GRK4: variants seen among roughly 807,000 people sequenced by gnomAD.
GRK4 encodes G protein-coupled receptor kinase 4, also known as G protein-coupled receptor kinase 2-like.
Under a neutral mutation model 77.9 loss-of-function variants are expected in GRK4, and 73 were observed. That is an observed-to-expected ratio of 0.94 (90% CI 0.78 to 1.14). The LOEUF (loss-of-function observed/expected upper bound fraction) is 1.14, where lower values mean the gene tolerates loss of function less well. GRK4 is among the 50% of genes most tolerant of loss of function. The probability of loss-of-function intolerance (pLI) is 0.00; values close to 1 mark genes in which losing one functional copy is unlikely to be tolerated. For synonymous variants in GRK4, 257 were observed against 254.4 expected (o/e 1.01, Z -0.10); for missense variants, 729 against 700.2 (o/e 1.04, Z -0.46).
intron 3 of GRK4, among the ~76,000 whole-genome samples, chr4:2,990,913 A>G (rs906848299): frequency 1.3e-5 from 2 of 152,196 alleles, no homozygotes; most frequent in Non-Finnish European, 2.9e-5. Context: ...TATCCTCGTG[A>G]TAGGTGATGA....
intron 10 of GRK4, among the ~76,000 whole-genome samples, chr4:3,026,007 G>C (rs183119553): frequency 6.6e-6 from 1 of 152,230 alleles, no homozygotes; most frequent in Non-Finnish European, 1.5e-5. Context: ...TCCTGCAGGC[G>C]AACCTGACCT....
chr4:2,988,486 G>T (rs140162878), intron 2 of GRK4, among the ~76,000 whole-genome samples: 2 of 152,074 alleles, frequency 1.3e-5, no homozygotes, highest in Non-Finnish European at 2.9e-5. Flanking sequence ...CAGGAGAATC[G>T]CCTGAACCCG....
At chr4:3,039,950 AG>A (rs1741936719) in intron 15 of GRK4, among the ~76,000 whole-genome samples, 1 of 152,108 alleles carries the variant, frequency 6.6e-6, no homozygotes, top group African/African-American at 2.4e-5. Context: ...TGCCGTTGAG[AG>A]AATCTGATTG....
chr4:2,986,106 G>A (rs960063195), intron 2 of GRK4, among the ~76,000 whole-genome samples: 1 of 151,212 alleles, frequency 6.6e-6, no homozygotes, highest in East Asian at 1.9e-4. Context: ...TTTTGATATT[G>A]CTAAATCACT....
At chr4:2,977,239 C>T (rs1432070414) in intron 1 of GRK4, among the ~76,000 whole-genome samples, 1 of 152,134 alleles carries the variant, frequency 6.6e-6, no homozygotes, top group African/African-American at 2.4e-5. Context: ...ATACCTTCCT[C>T]GGTATGATGA....
intron 4 of GRK4, among the ~76,000 whole-genome samples, chr4:2,994,157 G>A (rs1241352783): frequency 1.3e-5 from 2 of 152,186 alleles, no homozygotes; most frequent in African/African-American, 2.4e-5. Context: ...GTACCCCCAG[G>A]ACACTAGTTA....
intron 12 of GRK4, among the ~76,000 whole-genome samples, chr4:3,031,231 G>A (rs1364473863): frequency 6.6e-6 from 1 of 152,200 alleles, no homozygotes; most frequent in East Asian, 1.9e-4. Context: ...GTGCAGCACA[G>A]CTGGGGAGAC....
chr4:3,029,648 C>T (rs1331121833), intron 12 of GRK4, among the ~76,000 whole-genome samples: 1 of 150,338 alleles, frequency 6.7e-6, no homozygotes, highest in African/African-American at 2.5e-5. Flanking sequence ...GGCTCAGGTC[C>T]ACCTGTCTCC....
At chr4:3,002,385 G>A (rs6834738) in intron 4 of GRK4, among the ~76,000 whole-genome samples, 71,939 of 151,820 alleles carry the variant, frequency 0.47, 18,562 homozygotes, top group African/African-American at 0.68. Flanking sequence ...GGGCAGATCA[G>A]TTGAGCTCAG....
At chr4:3,021,564 G>A (rs921885390) in intron 9 of GRK4, among the ~76,000 whole-genome samples, 2 of 152,126 alleles carry the variant, frequency 1.3e-5, no homozygotes, top group South Asian at 2.1e-4. Context: ...TGACACCTCC[G>A]CACCTTGAGC....
At chr4:3,013,662 C>T (rs1733573991) in intron 7 of GRK4, 26 bp from the exon 8 acceptor site, 1 of 1,587,142 alleles carries the variant, frequency 6.3e-7, no homozygotes, top group Non-Finnish European at 8.5e-7. Context: ...GGACATAAAC[C>T]TCCTTTATTT....
intron 2 of GRK4, among the ~76,000 whole-genome samples, chr4:2,985,194 C>T (rs1470494296): frequency 6.6e-6 from 1 of 151,430 alleles, no homozygotes. Context: ...GGGCGGATCA[C>T]GAGGTCAGGA....
chr4:3,015,178 C>G (rs1169186519), intron 8 of GRK4, among the ~76,000 whole-genome samples: 1 of 152,176 alleles, frequency 6.6e-6, no homozygotes, highest in Admixed American at 6.5e-5. Context: ...ATCTCCAAAC[C>G]CAGTTTCTCT....
intron 1 of GRK4, among the ~76,000 whole-genome samples, chr4:2,982,690 C>T (rs111677782): frequency 0.018 from 2,780 of 152,282 alleles, 31 homozygotes; most frequent in Middle Eastern, 0.095. Context: ...CTTATTTCAA[C>T]TGAAGGGAGA....
intron 10 of GRK4, among the ~76,000 whole-genome samples, chr4:3,026,802 A>T (rs1397062525): frequency 6.6e-6 from 1 of 152,246 alleles, no homozygotes; most frequent in Admixed American, 6.5e-5. Flanking sequence ...TCCTCTCTAA[A>T]GCATCATGCA....
At position 2,963,918 on chromosome 4, in the gene GRK4, T is replaced by G; in HGVS notation, c.-153T>G. On this transcript the variant is annotated 5_prime_UTR_variant, in exon 1 of 16. Transcript: ENST00000398052. ...GCGGCGGCGCCCTTGGTGGCAGTGG[T>G]GGCGGCGGAGCAGCCTCCCGGGATC... The G allele has an allele frequency of 1.4e-6, 1 of 728,930 alleles. No homozygotes were observed. 45.2% of individuals were successfully genotyped at this position (728,930 alleles called of 1,614,324 possible).
chr4:2,982,910 T>C (rs907818577), intron 1 of GRK4, among the ~76,000 whole-genome samples: 4 of 152,244 alleles, frequency 2.6e-5, no homozygotes, highest in African/African-American at 7.2e-5. Flanking sequence ...GGTTGTTACA[T>C]GTTTATTAAA....
intron 11 of GRK4, among the ~76,000 whole-genome samples, chr4:3,028,774 AC>A: frequency 7.7e-6 from 1 of 130,668 alleles, no homozygotes. Context: ...TAATTTCACA[AC>A]TTTTTTTTTT....
chr4:3,026,068 C>T (rs547328885), intron 10 of GRK4, among the ~76,000 whole-genome samples: 35 of 152,320 alleles, frequency 2.3e-4, no homozygotes, highest in African/African-American at 7.7e-4. Flanking sequence ...GTGCTGTTTC[C>T]GTTGGTGCCG....
Sources: allele counts gnomAD v4.1 joint callset (sites outside exome capture counted in the v4.1 genomes callset), GRCh38; gene constraint gnomAD v4.1.1; transcripts MANE v1.5; gene names NCBI Gene and HGNC (gene_info 2026-07-23, HGNC 2026-07-21).